The following RNF150 variants were observed in gnomAD, a reference collection of about 807,000 sequenced individuals.
The protein encoded by RNF150 is ring finger protein 150.
Under a neutral mutation model 39.3 loss-of-function variants are expected in RNF150, and 24 were observed. That is an observed-to-expected ratio of 0.61 (90% confidence interval 0.44 to 0.86). The LOEUF (loss-of-function observed/expected upper bound fraction) is 0.86, where lower values mean the gene tolerates loss of function less well. RNF150 is among the 40% of genes least tolerant of loss of function. RNF150 has a pLI of 0.00. For missense variants in RNF150, 502 were observed against 587.8 expected, an observed-to-expected ratio of 0.85 and a Z score of 1.51; for synonymous variants, 255 against 227.3, an observed-to-expected ratio of 1.12 and a Z score of -1.10.
chr4:141,137,365 A>G (rs1004485054), upstream of RNF150, among the ~76,000 whole-genome samples: 3 of 152,350 alleles, frequency 2.0e-5, no homozygotes, highest in Middle Eastern at 3.4e-3. Context: ...GAAACAGAGG[A>G]TAATGACCTG....
At chr4:140,926,431 C>T (rs1266154815) in intron 4 of RNF150, among the ~76,000 whole-genome samples, 1 of 152,188 alleles carries the variant, frequency 6.6e-6, no homozygotes. Flanking sequence ...TTGATTGATA[C>T]TACTTTAAAA....
intron 1 of RNF150, among the ~76,000 whole-genome samples, chr4:141,173,117 C>G (rs1727758985): frequency 6.6e-6 from 1 of 152,108 alleles, no homozygotes; most frequent in African/African-American, 2.4e-5. Flanking sequence ...GAGACGCTAC[C>G]TCCATTGCCT....
At chr4:140,936,438 T>G (rs999047265) in intron 4 of RNF150, among the ~76,000 whole-genome samples, 3 of 152,204 alleles carry the variant, frequency 2.0e-5, no homozygotes, top group Admixed American at 2.0e-4. Flanking sequence ...TATAAAATTC[T>G]GTTCTTGGAA....
At chr4:141,061,219 G>A (rs1355138852) in intron 1 of RNF150, among the ~76,000 whole-genome samples, 12 of 152,054 alleles carry the variant, frequency 7.9e-5, no homozygotes, top group Admixed American at 7.9e-4. Flanking sequence ...TCCTGGTACT[G>A]CATGGATGTA....
intron 1 of RNF150, among the ~76,000 whole-genome samples, chr4:141,012,663 G>C (rs895910419): frequency 6.7e-6 from 1 of 150,082 alleles, no homozygotes; most frequent in Admixed American, 6.8e-5. Flanking sequence ...CGTGCCTGTA[G>C]TGACAGCTAC....
intron 4 of RNF150, among the ~76,000 whole-genome samples, chr4:140,942,204 C>A (rs577749348): frequency 6.6e-6 from 1 of 152,312 alleles, no homozygotes; most frequent in East Asian, 1.9e-4. Context: ...ATCACACATG[C>A]ACACAACCCC....
chr4:140,891,162 C>CT (rs570488971), intron 6 of RNF150, among the ~76,000 whole-genome samples: 33 of 152,030 alleles, frequency 2.2e-4, no homozygotes, highest in African/African-American at 5.6e-4. Context: ...TTCTAACACA[C>CT]TTTTTTTTAT....
chr4:140,936,501 C>G (rs1731868748), intron 4 of RNF150, among the ~76,000 whole-genome samples: 1 of 152,010 alleles, frequency 6.6e-6, no homozygotes, highest in African/African-American at 2.4e-5. Flanking sequence ...ATGCCATACA[C>G]CAGCATAAAT....
chr4:140,872,832 G>A (rs565964816), intron 6 of RNF150, among the ~76,000 whole-genome samples: 1 of 152,320 alleles, frequency 6.6e-6, no homozygotes, highest in African/African-American at 2.4e-5. Flanking sequence ...AGACATCCAA[G>A]GTTGATGTGG....
chr4:141,207,720 A>G (rs1728396380), intron 1 of RNF150, among the ~76,000 whole-genome samples: 1 of 152,204 alleles, frequency 6.6e-6, no homozygotes, highest in African/African-American at 2.4e-5. Context: ...GAGATAAAAC[A>G]TTTTGGGTTG....
chr4:141,136,744 A>C (rs1242987986), upstream of RNF150, among the ~76,000 whole-genome samples: 1 of 152,240 alleles, frequency 6.6e-6, no homozygotes, highest in African/African-American at 2.4e-5. Flanking sequence ...GCTCTCATGG[A>C]GTTTATATTC....
intron 1 of RNF150, among the ~76,000 whole-genome samples, chr4:141,175,124 A>G (rs1450119295): frequency 6.6e-6 from 1 of 152,224 alleles, no homozygotes; most frequent in East Asian, 1.9e-4. Context: ...AGGGAAAGGC[A>G]GAGTGCTGAT....
chr4:141,183,598 A>T (rs547875340), intron 1 of RNF150, among the ~76,000 whole-genome samples: 20 of 152,040 alleles, frequency 1.3e-4, no homozygotes, highest in Non-Finnish European at 1.8e-4. Context: ...CAGGTTTGTT[A>T]TATATGTATA....
chr4:140,887,675 GA>G (rs1397427456), intron 6 of RNF150, among the ~76,000 whole-genome samples: 2 of 152,114 alleles, frequency 1.3e-5, no homozygotes, highest in Non-Finnish European at 2.9e-5. Context: ...AGAGCCAGAA[GA>G]AACTAGAGAA....
At chr4:141,065,803 T>TCCGCTTGGATGACCTCTGTCTACCC (rs1224670256) in intron 1 of RNF150, among the ~76,000 whole-genome samples, 4 of 152,044 alleles carry the variant, frequency 2.6e-5, no homozygotes, top group Non-Finnish European at 1.5e-5. Flanking sequence ...GCCGACTCCC[T>TCCGCTTGGATGACCTCTGTCTACCC]CCGCTTGGAT....
chr4:140,935,006 TAAA>T (rs1416853688), intron 4 of RNF150, among the ~76,000 whole-genome samples: 1 of 80,416 alleles, frequency 1.2e-5, no homozygotes, highest in African/African-American at 4.5e-5. Flanking sequence ...TATATATATA[TAAA>T]TATATATATA....
chr4:140,962,971 G>C (rs1733099282), intron 2 of RNF150, among the ~76,000 whole-genome samples: 1 of 151,860 alleles, frequency 6.6e-6, no homozygotes, highest in Admixed American at 6.6e-5. Flanking sequence ...ATATGTTTGT[G>C]TCTTCTGCAT....
At position 141,032,425 on chromosome 4, in the gene RNF150, CT is replaced by C. The variant is rs565041186; in HGVS notation, c.485-64553del. On this transcript the variant is annotated intron_variant, in intron 1 of 6. Transcript: ENST00000515673. Reference sequence around the variant, plus strand: ...ACTTGAAATCTGCTAAGAGTATAGACTTTAAATGTTCTCACCACACTCGCAT... The same window carrying C: ...ACTTGAAATCTGCTAAGAGTATAGACTTAAATGTTCTCACCACACTCGCAT... Among the ~76,000 whole-genome samples the C allele has an allele frequency of 1.9e-3, 292 of 152,188 alleles. 1 individual carries two copies. Among genetic ancestry groups the C allele is most frequent in the African/African-American group, 6.8e-3 (283 of 41,524 alleles).
At chr4:141,206,604 C>G (rs1318534618) in intron 1 of RNF150, among the ~76,000 whole-genome samples, 4 of 151,908 alleles carry the variant, frequency 2.6e-5, no homozygotes, top group African/African-American at 7.3e-5. Context: ...AATGCCCCCC[C>G]AGTTGTGTGA....
Sources: allele counts gnomAD v4.1 joint callset (sites outside exome capture counted in the v4.1 genomes callset), GRCh38; gene constraint gnomAD v4.1.1; transcripts MANE v1.5; gene names NCBI Gene and HGNC (gene_info 2026-07-23, HGNC 2026-07-21).